The following GLRA1 variants were observed in gnomAD, a reference collection of about 807,000 sequenced individuals.
GLRA1 encodes glycine receptor subunit alpha-1.
Under a neutral mutation model 48.3 loss-of-function variants are expected in GLRA1, and 37 were observed. That is an observed-to-expected ratio of 0.77 (90% confidence interval 0.59 to 1.01). The LOEUF (loss-of-function observed/expected upper bound fraction) is 1.01. Ranked by LOEUF, GLRA1 falls within the 50% of genes least tolerant of loss-of-function variation. The probability of loss-of-function intolerance (pLI) is 0.00; values close to 1 mark genes in which losing one functional copy is unlikely to be tolerated. For synonymous variants in GLRA1, 196 were observed against 210.7 expected (o/e 0.93, Z 0.60); for missense variants, 427 against 571.0 (o/e 0.75, Z 2.57).
chr5:151,894,555 C>T (rs1483950282), intron 1 of GLRA1, among the ~76,000 whole-genome samples: 2 of 152,112 alleles, frequency 1.3e-5, no homozygotes, highest in African/African-American at 4.8e-5. Context: ...CACCCCACTA[C>T]CCCCCATAAA....
intron 7 of GLRA1, among the ~76,000 whole-genome samples, chr5:151,829,767 A>G (rs953274995): frequency 1.3e-5 from 2 of 152,158 alleles, no homozygotes; most frequent in African/African-American, 2.4e-5. Flanking sequence ...TCACCTCTCT[A>G]TTCCCCCAGC....
intron 3 of GLRA1, among the ~76,000 whole-genome samples, chr5:151,880,617 G>GTC (rs1306278030): frequency 9.9e-5 from 15 of 151,746 alleles, no homozygotes; most frequent in Admixed American, 7.9e-4. Flanking sequence ...CTCTCACTCT[G>GTC]TCTCTCTCTC....
At chr5:151,846,755 CTCA>C (rs1489124843) in intron 7 of GLRA1, among the ~76,000 whole-genome samples, 2 of 152,130 alleles carry the variant, frequency 1.3e-5, no homozygotes, top group South Asian at 2.1e-4. Flanking sequence ...GATTGGATCC[CTCA>C]TCATATTTTC....
At chr5:151,920,439 C>T (rs990925765) in intron 1 of GLRA1, among the ~76,000 whole-genome samples, 1 of 152,142 alleles carries the variant, frequency 6.6e-6, no homozygotes, top group African/African-American at 2.4e-5. Flanking sequence ...CTAAAGAAAA[C>T]AATTTCCTAA....
chr5:151,848,849 C>T, intron 7 of GLRA1: 1 of 575,062 alleles, frequency 1.7e-6, no homozygotes, highest in Non-Finnish European at 3.3e-6. Flanking sequence ...CTACCTTTAC[C>T]CGCCCGCCTG....
At chr5:151,866,807 TAAG>T (rs753580588) in intron 3 of GLRA1, among the ~76,000 whole-genome samples, 1 of 151,906 alleles carries the variant, frequency 6.6e-6, no homozygotes, top group East Asian at 1.9e-4. Flanking sequence ...GAGAGGGTCA[TAAG>T]AAGTTCTAAC....
intron 1 of GLRA1, among the ~76,000 whole-genome samples, chr5:151,919,882 A>T (rs1678769576): frequency 6.6e-6 from 1 of 152,262 alleles, no homozygotes; most frequent in Non-Finnish European, 1.5e-5. Flanking sequence ...CTTAAAAATC[A>T]TGCTGGCTTC....
intron 4 of GLRA1, among the ~76,000 whole-genome samples, chr5:151,857,163 T>TCCCAGCCAGATG (rs375348072): frequency 1.1e-4 from 17 of 152,240 alleles, no homozygotes; most frequent in Non-Finnish European, 1.9e-4. Flanking sequence ...CCATCTGGTC[T>TCCCAGCCAGATG]CCCAGCCAAC....
At chr5:151,885,193 C>A (rs536353502) in intron 3 of GLRA1, among the ~76,000 whole-genome samples, 3 of 152,180 alleles carry the variant, frequency 2.0e-5, no homozygotes, top group Non-Finnish European at 4.4e-5. Flanking sequence ...TGCTTAGGAC[C>A]AAATACTGGT....
intron 3 of GLRA1, among the ~76,000 whole-genome samples, chr5:151,873,805 T>A (rs1489450410): frequency 6.6e-6 from 1 of 152,108 alleles, no homozygotes; most frequent in Non-Finnish European, 1.5e-5. Flanking sequence ...TCAGGCTGGG[T>A]CTATTTCTTT....
At chr5:151,866,314 C>T (rs993082671) in intron 3 of GLRA1, among the ~76,000 whole-genome samples, 1 of 152,232 alleles carries the variant, frequency 6.6e-6, no homozygotes, top group Non-Finnish European at 1.5e-5. Context: ...ATTCCACAGA[C>T]ATTTATTGAG....
chr5:151,838,146 A>G (rs1488616447), intron 7 of GLRA1, among the ~76,000 whole-genome samples: 2 of 152,204 alleles, frequency 1.3e-5, no homozygotes, highest in African/African-American at 4.8e-5. Context: ...CTAAACAACT[A>G]AAGGAAAATA....
At chr5:151,889,770 G>T (rs898027180) in intron 2 of GLRA1, among the ~76,000 whole-genome samples, 1 of 152,056 alleles carries the variant, frequency 6.6e-6, no homozygotes, top group African/African-American at 2.4e-5. Flanking sequence ...TTGTGTCGGT[G>T]GAAGCAGGAA....
chr5:151,845,286 T>C (rs1752643472), intron 7 of GLRA1, among the ~76,000 whole-genome samples: 1 of 152,170 alleles, frequency 6.6e-6, no homozygotes, highest in African/African-American at 2.4e-5. Flanking sequence ...CCACGGCACA[T>C]AGAACAAGAG....
At chr5:151,856,253 G>A in intron 5 of GLRA1, 48 bp downstream of exon 5, 1 of 1,317,058 alleles carries the variant, frequency 7.6e-7, no homozygotes, top group Non-Finnish European at 1.1e-6. Flanking sequence ...TATCCCATGG[G>A]TAAAAAGGAG....
At chr5:151,844,331 T>C (rs1752607483) in intron 7 of GLRA1, among the ~76,000 whole-genome samples, 1 of 150,088 alleles carries the variant, frequency 6.7e-6, no homozygotes, top group Non-Finnish European at 1.5e-5. Context: ...TTCTAAAAAA[T>C]GACACCAAGG....
At chr5:151,875,805 T>G (rs1753612558) in intron 3 of GLRA1, 1 of 152,278 alleles carries the variant, frequency 6.6e-6, no homozygotes, top group Non-Finnish European at 1.5e-5. Context: ...CACTTCCCAC[T>G]TCCCTCTTTC....
At chr5:151,850,990 A>G (rs993250083) in intron 7 of GLRA1, among the ~76,000 whole-genome samples, 2 of 152,188 alleles carry the variant, frequency 1.3e-5, no homozygotes, top group African/African-American at 4.8e-5. Context: ...TTTCTATCAA[A>G]TCTCTAGATA....
chr5:151,857,226 G>A (rs773913124), intron 4 of GLRA1, among the ~76,000 whole-genome samples: 1 of 152,270 alleles, frequency 6.6e-6, no homozygotes, highest in Non-Finnish European at 1.5e-5. Context: ...AGCACCTTTG[G>A]GTGGCGGTGG....
Sources: gnomAD v4.1 joint callset for allele counts (sites outside exome capture counted in the v4.1 genomes callset) on GRCh38, gnomAD v4.1.1 for gene constraint, MANE v1.5 for transcripts, NCBI Gene and HGNC (gene_info 2026-07-23, HGNC 2026-07-21) for gene names.